Variants in BOD1L1 observed in about 807,000 individuals in gnomAD.
The protein encoded by BOD1L1 is biorientation of chromosomes in cell division 1 like 1, also known as biorientation of chromosomes in cell division protein 1-like 1.
A neutral mutation model predicts 240.7 loss-of-function variants in BOD1L1; 86 were observed. The observed-to-expected ratio is 0.36, with a 90% confidence interval of 0.30 to 0.43. The LOEUF (loss-of-function observed/expected upper bound fraction) is 0.43, where lower values mean the gene tolerates loss of function less well. Among genes scored for constraint, BOD1L1 ranks in the 20% least tolerant of loss-of-function variants. The pLI is 1.00. For synonymous variants in BOD1L1, 1,268 were observed against 1,272.3 expected, an observed-to-expected ratio of 1.00 and a Z score of 0.07; for missense variants, 3,554 against 3,643.5, an observed-to-expected ratio of 0.98 and a Z score of 0.63.
Position 13,599,863 on chromosome 4 carries a change from CT to C in BOD1L1, c.7036del (p.Arg2346AspfsTer7). 6.2e-7 allele frequency: 1 copy of C among 1,614,000 alleles called. No homozygotes were observed. Among genetic ancestry groups the C allele is most frequent in the South Asian group, 1.1e-5 (1 of 91,072 alleles). On this transcript the variant is annotated frameshift_variant, in exon 10 of 26. Transcript: ENST00000040738. LOFTEE classifies it high-confidence loss of function. ...ECMPISASID[R>X]HEENQLTADN... ...TGCAGTCAGCTGATTCTCTTCATGT[CT>C]GTCAATGCTGGCGGAAATTGGCATA...
Position 13,603,358 on chromosome 4 carries a change from T to A in BOD1L1, c.3542A>T (p.Tyr1181Phe). Residue 1181 changes from tyrosine to phenylalanine, a missense_variant, in exon 10 of 26, where the codon TAT (tyrosine) becomes TTT (phenylalanine). This residue lies in a region of BOD1L1 where 3,393 missense variants were observed against 3,427.1 expected (regional missense o/e 0.99). Coordinates refer to ENST00000040738, the MANE Select transcript of BOD1L1 (RefSeq NM_148894.3). ...AACTCCTGTTCCACGGCCTGGCTTATAAGCTGGAGCTGTTGCTTTTGAATC... is the reference window on the plus strand; with the variant it reads ...AACTCCTGTTCCACGGCCTGGCTTAAAAGCTGGAGCTGTTGCTTTTGAATC... Reference protein sequence around the residue: ...TADSKATAPAYKPGRGTGVNS... With the variant: ...TADSKATAPAFKPGRGTGVNS... 1.2e-6 allele frequency: 2 copies of A among 1,614,018 alleles called. No homozygotes were observed. Among genetic ancestry groups the A allele is most frequent in the Non-Finnish European group, 1.7e-6 (2 of 1,179,894 alleles).
rs1399760711 is a variant in BOD1L1, at chr4:13,600,107, C to G, written c.6793G>C (p.Glu2265Gln). 1.2e-6 allele frequency: 2 copies of G among 1,613,786 alleles called. No individual in the cohort carries two copies. Among genetic ancestry groups the G allele is most frequent in the Non-Finnish European group, 1.7e-6 (2 of 1,179,872 alleles). ...IISTSSVEDC[E>Q]GPVSSAVPQE... The stretch of plus-strand genomic sequence containing the variant: ...GGGACAGCACTGGACACTGGGCCCT[C>G]ACAGTCTTCCACCGAGCTCGTAGAG... Residue 2265 changes from glutamate to glutamine, a missense_variant, in exon 10 of 26, where the codon GAG (glutamate) becomes CAG (glutamine). By Grantham distance (29) the Glu-to-Gln change is conservative. Around this residue, in one of 2 missense-constraint regions of BOD1L1, gnomAD observed 3,393 missense variants for 3,427.1 expected, o/e 0.99. Transcript: ENST00000040738.
At chr4:13,615,691 A>G (rs1416489975) in intron 2 of BOD1L1, among the ~76,000 whole-genome samples, 189 bp from the exon 3 acceptor site, 1 of 152,190 alleles carries the variant, frequency 6.6e-6, no homozygotes, top group Admixed American at 6.5e-5. Flanking sequence ...TAGATATACC[A>G]TACTATACAA....
chr4:13,626,798 G>A (rs1717426571), intron 1 of BOD1L1, among the ~76,000 whole-genome samples: 1 of 152,114 alleles, frequency 6.6e-6, no homozygotes, highest in South Asian at 2.1e-4. Flanking sequence ...TTAGAATGGT[G>A]ACATGGCCTA....
rs773923068 is a variant in BOD1L1 at position 13,603,208 on chromosome 4, A to C, written c.3692T>G (p.Val1231Gly). ...ATGAACAGTTTCAGAATCTATATTC[A>C]CTTCAGTAGTTCCTCTATGAATGGG... ...KEPIHRGTTE[V>G]NIDSETVHRM... is the part of the protein sequence containing the mutation. Residue 1231 changes from valine to glycine, a missense_variant, in exon 10 of 26, where the codon GTG becomes GGG. Physicochemically the swap from Val to Gly is moderately radical, Grantham distance 109. This residue lies in a region of BOD1L1 where 3,393 missense variants were observed against 3,427.1 expected (regional missense o/e 0.99). Transcript: ENST00000040738. 24 of 1,613,904 alleles carry C rather than the reference A, an allele frequency of 1.5e-5. No homozygotes were observed. The highest frequency in any genetic ancestry group is 5.1e-6 in the Non-Finnish European group (6 of 1,179,886).
chr4:13,573,474 T>TCTATCTATCTATCTATCTATCTA (rs1560175491), intron 25 of BOD1L1, among the ~76,000 whole-genome samples: 35 of 23,832 alleles, frequency 1.5e-3, no homozygotes, highest in South Asian at 0.012. Context: ...CTATCTATCT[T>TCTATCTATCTATCTATCTATCTA]TCTTTCTTTC....
At position 13,600,685 on chromosome 4, in the gene BOD1L1, A is replaced by G. The variant is rs775295816; in HGVS notation, c.6215T>C (p.Ile2072Thr). The part of the protein sequence containing the change: ...AGGKNQGKVL[I>T]ISTSTTNDYT... ...ATCATTTGTGGTACTGGTGGAAATAATCAAAACTTTGCCTTGATTTTTACC... is the reference window on the plus strand; with the variant it reads ...ATCATTTGTGGTACTGGTGGAAATAGTCAAAACTTTGCCTTGATTTTTACC... The change falls in exon 10 of 26, where the codon ATT becomes ACT. Residue 2072 changes from isoleucine to threonine, a missense_variant. Ile to Thr is a moderately conservative substitution (Grantham distance 89). Around this residue, in one of 2 missense-constraint regions of BOD1L1, gnomAD observed 3,393 missense variants for 3,427.1 expected, o/e 0.99. Transcript: ENST00000040738. 1.9e-6 allele frequency: 3 copies of G among 1,613,908 alleles called. No homozygotes were observed. The East Asian group carries it at 6.7e-5, about 36-fold the overall frequency.
At chr4:13,622,521 G>A (rs1005742884) in intron 1 of BOD1L1, among the ~76,000 whole-genome samples, 1 of 152,122 alleles carries the variant, frequency 6.6e-6, no homozygotes, top group Non-Finnish European at 1.5e-5. Context: ...AAGCCTTAGA[G>A]TTATCCTTGA....
At chr4:13,590,656 C>T (rs557933343) in intron 13 of BOD1L1, among the ~76,000 whole-genome samples, 5 of 152,268 alleles carry the variant, frequency 3.3e-5, no homozygotes, top group African/African-American at 1.2e-4. Context: ...AATTATTGTG[C>T]TTATTCTGCC....
Position 13,599,158 on chromosome 4 carries a change from G to A in BOD1L1, c.7742C>T (p.Ser2581Phe), listed in dbSNP as rs1192951547. ...ITGQESKIAP[S>F]HTMIPPATYS... is the part of the protein sequence containing the mutation. ...AGTAGCTGGAGGGATCATTGTGTGGGAAGGAGCAATTTTTGATTCTTGGCC... is the reference window on the plus strand; with the variant it reads ...AGTAGCTGGAGGGATCATTGTGTGGAAAGGAGCAATTTTTGATTCTTGGCC... Residue 2581 changes from serine (S) to phenylalanine (F), a missense_variant, in exon 10 of 26, where the codon TCC becomes TTC. Physicochemically the swap from Ser to Phe is radical, Grantham distance 155. This residue lies in a region of BOD1L1 where 3,393 missense variants were observed against 3,427.1 expected (regional missense o/e 0.99). Transcript: ENST00000040738. 2 of 1,613,934 alleles carry A rather than the reference G, an allele frequency of 1.2e-6. No homozygotes were observed. The highest frequency in any genetic ancestry group is 2.2e-5 in the East Asian group (1 of 44,902).
chr4:13,616,529 T>A (rs1716607619), intron 2 of BOD1L1, among the ~76,000 whole-genome samples: 1 of 152,236 alleles, frequency 6.6e-6, no homozygotes, highest in Non-Finnish European at 1.5e-5. Flanking sequence ...CACACTTAAA[T>A]CTTGTTTCTT....
At position 13,614,413 on chromosome 4, in the gene BOD1L1, T is replaced by C. The variant is rs777293919; in HGVS notation, c.957A>G (p.Thr319=). 1.2e-5 allele frequency: 19 copies of C among 1,589,730 alleles called. No individual in the cohort carries two copies. The highest frequency in any genetic ancestry group is 1.7e-4 in the Middle Eastern group (1 of 6,046). ...TGTCTGGCTTCTTTTCACCTTTGTC[T>C]GTTGATTTATTTTTTTGCTCACTGC... is the stretch of plus-strand genomic sequence containing the variant. ...QESSEQKNKS[T]DKGEKKPDSN... is the part of the protein sequence containing the mutation. The change falls in exon 4 of 26, where the codon ACA becomes ACG. Residue 319 remains threonine (T), a synonymous_variant. Transcript: ENST00000040738.
chr4:13,576,356 T>C (rs1282165468), intron 25 of BOD1L1, among the ~76,000 whole-genome samples: 1 of 152,174 alleles, frequency 6.6e-6, no homozygotes, highest in African/African-American at 2.4e-5. Context: ...GGGAAATATA[T>C]GAAATTACCT....
At chr4:13,572,823 A>G (rs747017658) in intron 25 of BOD1L1, 1 of 1,289,748 alleles carries the variant, frequency 7.8e-7, no homozygotes, top group Non-Finnish European at 1.0e-6. Flanking sequence ...GCACGTGCAG[A>G]TGGCTTGCTA....
At chr4:13,597,823 A>G (rs971396540) in intron 10 of BOD1L1, among the ~76,000 whole-genome samples, 5 of 152,234 alleles carry the variant, frequency 3.3e-5, no homozygotes, top group Non-Finnish European at 5.9e-5. Flanking sequence ...TTCAACAGAA[A>G]CTTGTAAAGT....
At chr4:13,616,551 A>G (rs767881075) in intron 2 of BOD1L1, among the ~76,000 whole-genome samples, 1 of 152,248 alleles carries the variant, frequency 6.6e-6, no homozygotes, top group South Asian at 2.1e-4. Context: ...CTAAAAAAGA[A>G]GTGGAGGAGT....
chr4:13,600,123 G>C lies in BOD1L1; in HGVS notation c.6777C>G (p.Ser2259Arg). The change falls in exon 10 of 26, where the codon AGC becomes AGG. Residue 2259 changes from serine to arginine, a missense_variant. This residue lies in a region of BOD1L1 where 3,393 missense variants were observed against 3,427.1 expected (regional missense o/e 0.99). Transcript: ENST00000040738. ...EKDGSGIIST[S>R]SVEDCEGPVS... is the part of the protein sequence containing the mutation. Reference sequence around the variant, plus strand: ...CTGGGCCCTCACAGTCTTCCACCGAGCTCGTAGAGATGATGCCACTCCCGT... The same window carrying C: ...CTGGGCCCTCACAGTCTTCCACCGACCTCGTAGAGATGATGCCACTCCCGT... 1 of 1,613,924 alleles carries C rather than the reference G, an allele frequency of 6.2e-7. No individual in the cohort carries two copies. Among genetic ancestry groups the C allele is most frequent in the Non-Finnish European group, 8.5e-7 (1 of 1,179,880 alleles).
intron 12 of BOD1L1, 72 bp from the exon 13 acceptor site, chr4:13,592,038 G>A: frequency 8.4e-7 from 1 of 1,190,312 alleles, no homozygotes; most frequent in African/African-American, 1.6e-5. Flanking sequence ...CAAATTTGAA[G>A]ATTTTTAGGA....
chr4:13,627,454 C>T lies in BOD1L1; in HGVS notation c.134G>A (p.Gly45Asp). 8.6e-7 allele frequency: 1 copy of T among 1,164,346 alleles called. No homozygotes were observed. The highest frequency in any genetic ancestry group is 1.1e-6 in the Non-Finnish European group (1 of 936,678). The allele number at this position is 1,164,346 out of a possible 1,614,324, so 72.1% of individuals were successfully genotyped here. A position where few individuals can be genotyped will look rare whatever the true frequency, so the allele number is the denominator to read the frequency against. The change falls in exon 1 of 26, where the codon GGT becomes GAT. Residue 45 changes from glycine to aspartate, a missense_variant. Gly to Asp is a moderately conservative substitution (Grantham distance 94, BLOSUM62 -1). Coordinates refer to ENST00000040738, the MANE Select transcript of BOD1L1 (RefSeq NM_148894.3). ...GPGAGGAGGAGAGAGDPQLVA... is the reference protein window; with the variant it reads ...GPGAGGAGGADAGAGDPQLVA... ...GAGCTGCGGGTCCCCGGCGCCCGCA[C>T]CCGCGCCGCCCGCCCCGCCCGCGCC...
Sources: allele counts gnomAD v4.1 joint callset (sites outside exome capture counted in the v4.1 genomes callset), GRCh38; gene constraint gnomAD v4.1.1; regional missense constraint gnomAD v4.1.1; transcripts MANE v1.5; gene names NCBI Gene and HGNC (gene_info 2026-07-23, HGNC 2026-07-21).